The following SGCD variants were observed in gnomAD, a reference collection of about 807,000 sequenced individuals.
SGCD encodes sarcoglycan delta.
A neutral mutation model predicts 36.6 loss-of-function variants in SGCD; 18 were observed. The observed-to-expected ratio is 0.49, with a 90% CI of 0.34 to 0.73. The LOEUF (loss-of-function observed/expected upper bound fraction) is 0.73. SGCD is among the 30% of genes least tolerant of loss of function. SGCD has a pLI of 0.01. For missense variants in SGCD, 387 were observed against 346.7 expected (o/e 1.12, Z -0.92); for synonymous variants, 133 against 130.6 (o/e 1.02, Z -0.12).
intron 1 of SGCD, among the ~76,000 whole-genome samples, chr5:155,957,236 G>A (rs933107319): frequency 2.6e-5 from 4 of 152,048 alleles, no homozygotes; most frequent in African/African-American, 7.2e-5. Flanking sequence ...GTTGTAATGC[G>A]CTGCTCAGAT....
intron 1 of SGCD, among the ~76,000 whole-genome samples, chr5:155,886,262 G>GTCT (rs1755996185): frequency 6.6e-6 from 1 of 152,196 alleles, no homozygotes; most frequent in Non-Finnish European, 1.5e-5. Context: ...TAAGGGACTG[G>GTCT]AATGAGGATG....
At chr5:156,525,527 C>G (rs1757609968) in intron 4 of SGCD, among the ~76,000 whole-genome samples, 1 of 150,784 alleles carries the variant, frequency 6.6e-6, no homozygotes, top group Non-Finnish European at 1.5e-5. Flanking sequence ...CATAGATTTC[C>G]TTTTCATTTT....
In SGCD at chr5:156,242,543, T is replaced by TG. The variant is rs1263431151; in HGVS notation, c.-43-86991_-43-86990insG. On this transcript the variant is annotated intron_variant, in intron 3 of 9. Transcript: ENST00000517913. ...GTTATATTAATGTCAATCTCCTAGTTTGTGATTTTACATTACAGTTTTGTA... is the reference window on the plus strand; with the variant it reads ...GTTATATTAATGTCAATCTCCTAGTTGTGTGATTTTACATTACAGTTTTGTA... Among the ~76,000 whole-genome samples the TG allele has an allele frequency of 4.6e-5, 7 of 152,316 alleles. No homozygotes were observed. In the East Asian group the frequency reaches 1.4e-3, roughly 29 times the overall value.
intron 3 of SGCD, among the ~76,000 whole-genome samples, chr5:156,365,728 T>C (rs1770061714): frequency 6.6e-6 from 1 of 152,106 alleles, no homozygotes; most frequent in African/African-American, 2.4e-5. Context: ...ATACAATATA[T>C]ACATGTATAT....
chr5:156,741,017 T>TTGGTGTGAAACTGCTGTTTC, intron 7 of SGCD, among the ~76,000 whole-genome samples: 1 of 152,324 alleles, frequency 6.6e-6, no homozygotes, highest in South Asian at 2.1e-4. Context: ...ATCCTAGGTG[T>TTGGTGTGAAACTGCTGTTTC]TGGTGTGAAA....
At chr5:155,882,836 A>T (rs1264303892) in intron 1 of SGCD, among the ~76,000 whole-genome samples, 2 of 152,190 alleles carry the variant, frequency 1.3e-5, no homozygotes, top group Non-Finnish European at 2.9e-5. Context: ...GCTCCTAACA[A>T]GGGAGTCAGC....
chr5:156,613,745 C>A (rs547139920), intron 6 of SGCD, among the ~76,000 whole-genome samples: 2 of 152,350 alleles, frequency 1.3e-5, no homozygotes, highest in East Asian at 1.9e-4. Context: ...TGACCCAAGA[C>A]AATGATAGCA....
intron 3 of SGCD, among the ~76,000 whole-genome samples, chr5:156,284,654 G>T (rs1168087391): frequency 6.6e-6 from 1 of 152,030 alleles, no homozygotes; most frequent in African/African-American, 2.4e-5. Context: ...AATAAATTAG[G>T]TATTGATGGG....
At chr5:156,408,165 T>G (rs1287117904) in intron 3 of SGCD, among the ~76,000 whole-genome samples, 3 of 152,206 alleles carry the variant, frequency 2.0e-5, no homozygotes, top group African/African-American at 7.2e-5. Flanking sequence ...AGCTCTTTTG[T>G]CTTTTCATCT....
chr5:156,162,913 G>A (rs537381263), intron 3 of SGCD, among the ~76,000 whole-genome samples: 2 of 151,630 alleles, frequency 1.3e-5, no homozygotes, highest in South Asian at 4.1e-4. Flanking sequence ...ATGAGGCAAG[G>A]CAGCCATTTA....
chr5:156,547,981 G>C (rs1005811667), intron 4 of SGCD, among the ~76,000 whole-genome samples: 2 of 152,174 alleles, frequency 1.3e-5, no homozygotes, highest in Admixed American at 1.3e-4. Context: ...CATGGACTCA[G>C]ATCCTTTCTG....
intron 1 of SGCD, among the ~76,000 whole-genome samples, chr5:156,117,656 C>T (rs1034747746): frequency 1.3e-5 from 2 of 152,084 alleles, no homozygotes; most frequent in African/African-American, 4.8e-5. Flanking sequence ...ATAGATATCA[C>T]CATGGTGTCT....
In SGCD at chr5:156,017,776, C is replaced by T. The variant is rs150537538; in HGVS notation, c.-281-100102C>T. ...TTTTATATATTTTCTTCACTTATTGCATTAGCAATTATATAATTATATGGC... is the reference window on the plus strand; with the variant it reads ...TTTTATATATTTTCTTCACTTATTGTATTAGCAATTATATAATTATATGGC... On this transcript the variant is annotated intron_variant, in intron 1 of 9. Coordinates refer to the SGCD transcript ENST00000517913. Among the ~76,000 whole-genome samples the T allele has an allele frequency of 2.0e-4, 30 of 152,152 alleles. No homozygotes were observed. In the East Asian group the frequency reaches 3.3e-3, roughly 17 times the overall value.
intron 1 of SGCD, among the ~76,000 whole-genome samples, chr5:156,071,202 A>C (rs1445954513): frequency 6.6e-6 from 1 of 151,932 alleles, no homozygotes; most frequent in African/African-American, 2.4e-5. Context: ...TTGCTTTTCT[A>C]GTTCTCTTAA....
chr5:156,404,041 G>T (rs1772289121), intron 3 of SGCD, among the ~76,000 whole-genome samples: 1 of 151,958 alleles, frequency 6.6e-6, no homozygotes, highest in African/African-American at 2.4e-5. Context: ...CACCATGTTG[G>T]CCAGGCTGGT....
chr5:156,251,944 C>G (rs1054591254), intron 3 of SGCD, among the ~76,000 whole-genome samples: 3 of 152,196 alleles, frequency 2.0e-5, no homozygotes, highest in Non-Finnish European at 2.9e-5. Context: ...CTCTAAAAAG[C>G]ATCTTTGTTT....
intron 4 of SGCD, among the ~76,000 whole-genome samples, chr5:156,516,688 G>T (rs1757190137): frequency 1.3e-5 from 2 of 152,192 alleles, no homozygotes; most frequent in South Asian, 4.1e-4. Flanking sequence ...ACTGACATAA[G>T]TAGGCTTCAG....
chr5:156,015,052 C>G (rs1284037953), intron 1 of SGCD, among the ~76,000 whole-genome samples: 2 of 152,140 alleles, frequency 1.3e-5, no homozygotes, highest in Admixed American at 1.3e-4. Flanking sequence ...ATGTTTAGTA[C>G]TTTCCACCCT....
chr5:156,672,983 G>A (rs1581376010), intron 7 of SGCD, among the ~76,000 whole-genome samples: 1 of 152,084 alleles, frequency 6.6e-6, no homozygotes, highest in African/African-American at 2.4e-5. Flanking sequence ...GTACACCCTA[G>A]GCTCACTGTA....
Sources: allele counts gnomAD v4.1 joint callset (sites outside exome capture counted in the v4.1 genomes callset), GRCh38; gene constraint gnomAD v4.1.1; transcripts MANE v1.5; gene names NCBI Gene and HGNC (gene_info 2026-07-23, HGNC 2026-07-21).